The following SAXO4 variants were observed in gnomAD, a reference collection of about 807,000 sequenced individuals.
SAXO4 encodes protein phosphatase 1 regulatory subunit 32.
the SAXO4 span, chr11:61,482,045 G>C: frequency 1.4e-6 from 1 of 737,516 alleles, no homozygotes; most frequent in Non-Finnish European, 2.3e-6. Flanking sequence ...TTTGTCCCCT[G>C]GGCCCTGCCC....
chr11:61,481,763 CCCCGTGCTT>C, the SAXO4 span: 1 of 1,133,746 alleles, frequency 8.8e-7, no homozygotes, highest in South Asian at 1.8e-5. Flanking sequence ...CCATGAGGCT[CCCCGTGCTT>C]CCTTTCTAGG....
At chr11:61,482,544 A>C in the SAXO4 span, 1 of 1,574,216 alleles carries the variant, frequency 6.4e-7, no homozygotes. Flanking sequence ...TGGGTGACTC[A>C]GGGCACAGCG....
chr11:61,483,164 C>CTTTTTTTTTTTTTTTTTT, the SAXO4 span, among the ~76,000 whole-genome samples: 1 of 119,350 alleles, frequency 8.4e-6, no homozygotes, highest in Non-Finnish European at 1.7e-5. Context: ...ATTTCTTTTT[C>CTTTTTTTTTTTTTTTTTT]TTTTTTTTTT....
the SAXO4 span, chr11:61,489,749 A>G: frequency 6.2e-7 from 1 of 1,611,702 alleles, no homozygotes; most frequent in Non-Finnish European, 8.5e-7. Flanking sequence ...GGCAGAGTCC[A>G]GCTTCCAGCC....
chr11:61,484,728 A>G, the SAXO4 span: 12,398 of 1,613,702 alleles, frequency 7.7e-3, 63 homozygotes, highest in South Asian at 0.01. Flanking sequence ...CACGGGCCTC[A>G]GGCCATCACG....
the SAXO4 span, chr11:61,490,879 A>G: frequency 2.8e-5 from 13 of 466,200 alleles, no homozygotes; most frequent in Non-Finnish European, 5.1e-5. Context: ...CCCCAGGGGA[A>G]CACCCCTGCC....
At chr11:61,483,176 T>G in the SAXO4 span, among the ~76,000 whole-genome samples, 48 of 143,116 alleles carry the variant, frequency 3.4e-4, 1 homozygote, top group African/African-American at 1.2e-3. Context: ...TTTTTTTTTT[T>G]TTTTTTTTGA....
At chr11:61,488,620 T>G in the SAXO4 span, among the ~76,000 whole-genome samples, 1 of 152,186 alleles carries the variant, frequency 6.6e-6, no homozygotes, top group Non-Finnish European at 1.5e-5. Flanking sequence ...ACAACATCAG[T>G]CACCTGTGTC....
At chr11:61,483,313 T>C in the SAXO4 span, among the ~76,000 whole-genome samples, 1 of 152,016 alleles carries the variant, frequency 6.6e-6, no homozygotes, top group Non-Finnish European at 1.5e-5. Flanking sequence ...ATTACAGGCA[T>C]GTGCCACCAC....
chr11:61,484,527 G>A, the SAXO4 span, among the ~76,000 whole-genome samples: 41 of 150,458 alleles, frequency 2.7e-4, no homozygotes, highest in African/African-American at 1.0e-3. Flanking sequence ...TGATGGGAAG[G>A]CTGCAGGGCT....
the SAXO4 span, chr11:61,490,739 C>A: frequency 1.5e-6 from 1 of 659,820 alleles, no homozygotes. Context: ...CTCAGAACCC[C>A]TTCTCTGCCA....
chr11:61,489,577 A>G, the SAXO4 span: 1 of 614,762 alleles, frequency 1.6e-6, no homozygotes, highest in African/African-American at 1.8e-5. Flanking sequence ...CACTCCAAAG[A>G]GTGTTTCAGC....
chr11:61,490,173 T>G, the SAXO4 span, among the ~76,000 whole-genome samples: 2 of 152,014 alleles, frequency 1.3e-5, 1 homozygote, highest in South Asian at 4.1e-4. Context: ...CCTGCCCCTG[T>G]TCCCCAGGCC....
At chr11:61,482,553 C>T in the SAXO4 span, 40 of 1,575,838 alleles carry the variant, frequency 2.5e-5, no homozygotes, top group Admixed American at 2.2e-4. Context: ...CAGGGCACAG[C>T]GGACCTCTGA....
the SAXO4 span, chr11:61,489,670 A>G: frequency 1.8e-6 from 2 of 1,128,500 alleles, no homozygotes; most frequent in Non-Finnish European, 1.3e-6. Context: ...CGAGGACAGC[A>G]TGAGCAAAGG....
the SAXO4 span, among the ~76,000 whole-genome samples, chr11:61,483,637 CA>C: frequency 6.6e-6 from 1 of 151,912 alleles, no homozygotes; most frequent in Non-Finnish European, 1.5e-5. Flanking sequence ...GGAAATACAA[CA>C]GGGAGAAGCA....
the SAXO4 span, chr11:61,487,185 C>T: frequency 1.3e-5 from 21 of 1,613,994 alleles, no homozygotes; most frequent in Middle Eastern, 1.6e-4. Context: ...CATGTATGTC[C>T]GGAGCCCCTG....
chr11:61,487,141 T>A, the SAXO4 span: 1 of 1,613,890 alleles, frequency 6.2e-7, no homozygotes, highest in African/African-American at 1.3e-5. Context: ...ACCCCTCTTG[T>A]GCAGGAGCCC....
the SAXO4 span, among the ~76,000 whole-genome samples, chr11:61,484,498 G>A: frequency 1.3e-5 from 2 of 152,172 alleles, no homozygotes; most frequent in Admixed American, 6.5e-5. Context: ...CCAGGAGGAC[G>A]TGGAATTCCC....
Sources: gnomAD v4.1 joint callset for allele counts (sites outside exome capture counted in the v4.1 genomes callset) on GRCh38, gnomAD v4.1.1 for gene constraint, MANE v1.5 for transcripts, NCBI Gene and HGNC (gene_info 2026-07-23, HGNC 2026-07-21) for gene names.